Variants in SBF1 observed in about 807,000 individuals in gnomAD.
SBF1 encodes myotubularin-related protein 5.
In SBF1, 65 loss-of-function variants were observed where a neutral mutation model predicts 215.8. The ratio of observed to expected loss-of-function variants is 0.30; its 90% CI spans 0.25 to 0.37. The LOEUF (loss-of-function observed/expected upper bound fraction) is 0.37. Among genes scored for constraint, SBF1 ranks in the 10% least tolerant of loss-of-function variants. The pLI is 1.00. For synonymous variants in SBF1, 1,410 were observed against 1,122.8 expected (o/e 1.26, Z -5.11); for missense variants, 2,634 against 2,667.8 (o/e 0.99, Z 0.28).
rs12628196 is a variant in SBF1 at position 50,467,135 on chromosome 22, G to A, written c.549+203C>T. On this transcript the variant is annotated intron_variant, in intron 5 of 40. Transcript: ENST00000380817. ...CACCATCAAAGGAGTGGACAGAGAG[G>A]CTGAACGACACAGGCCCAGAGCACA... 0.13 allele frequency: 80,838 copies of A among 598,996 alleles called. 6,634 individuals carry two copies. Among genetic ancestry groups the A allele is most frequent in the East Asian group, 0.31 (11,150 of 35,966 alleles). 37.1% of individuals were successfully genotyped at this position (598,996 alleles called of 1,614,324 possible). A position where few individuals can be genotyped will look rare whatever the true frequency, so the allele number is the denominator to read the frequency against.
At position 50,459,406 on chromosome 22, in the gene SBF1, C is replaced by T. The variant is rs529493665; in HGVS notation, c.3689-14G>A. On this transcript the variant is annotated splice_polypyrimidine_tract_variant and intron_variant, in intron 27 of 40. Coordinates refer to ENST00000380817, the MANE Select transcript of SBF1 (RefSeq NM_002972.4). Reference sequence around the variant, plus strand: ...CCTGGGACTGGCCTGGGGGAGGACACGGAGCTGAGGGAGGGGAGGGTGAGA... The same window carrying T: ...CCTGGGACTGGCCTGGGGGAGGACATGGAGCTGAGGGAGGGGAGGGTGAGA... The T allele has an allele frequency of 2.7e-5, 43 of 1,611,650 alleles. No homozygotes were observed. In the East Asian group the frequency reaches 3.6e-4, roughly 13 times the overall value.
At chr22:50,469,160 A>T (rs1275331863) in intron 1 of SBF1, among the ~76,000 whole-genome samples, 1 of 152,228 alleles carries the variant, frequency 6.6e-6, no homozygotes, top group Non-Finnish European at 1.5e-5. Flanking sequence ...AAGGATGCCC[A>T]GATGGCTTCC....
In SBF1 at chr22:50,446,562, A is replaced by C; in HGVS notation, c.*580T>G. 1 of 289,688 alleles carries C rather than the reference A, an allele frequency of 3.5e-6. No individual in the cohort carries two copies. The highest frequency in any genetic ancestry group is 6.9e-6 in the Non-Finnish European group (1 of 145,066). The allele number at this position is 289,688 out of a possible 1,614,324, so 17.9% of individuals were successfully genotyped here. ...TTCCTCTCCAGCCGTGCCGGCCCCT[A>C]GACCAGCCCTGAGGCGTGGAGGGAA... On this transcript the variant is annotated 3_prime_UTR_variant, in exon 41 of 41. Coordinates refer to ENST00000380817, the MANE Select transcript of SBF1 (RefSeq NM_002972.4).
intron 5 of SBF1, 197 bp from the exon 6 acceptor site, chr22:50,466,907 C>G: frequency 3.5e-6 from 2 of 574,626 alleles, no homozygotes; most frequent in South Asian, 4.6e-5. Context: ...AAACTCAGGA[C>G]AGGAGTGGCT....
Position 50,454,877 on chromosome 22 carries a change from C to T in SBF1, c.4749G>A (p.Val1583=). The T allele has an allele frequency of 6.2e-7, 1 of 1,614,144 alleles. No individual in the cohort carries two copies. The highest frequency in any genetic ancestry group is 1.1e-5 in the South Asian group (1 of 91,090). The change falls in exon 35 of 41, where the codon GTG becomes GTA. Residue 1583 remains valine, a synonymous_variant. Coordinates refer to ENST00000380817, the MANE Select transcript of SBF1 (RefSeq NM_002972.4). ...QVPCRSVWEY[V]DRLSKRTPVF... is the part of the protein sequence containing the mutation. ...CAGGCGTCCTCTTGCTCAGCCGGTC[C>T]ACATACTCCCACACAGACCTGCACG...
At chr22:50,469,691 A>C (rs959358791) in intron 1 of SBF1, among the ~76,000 whole-genome samples, 1 of 152,160 alleles carries the variant, frequency 6.6e-6, no homozygotes, top group Admixed American at 6.5e-5. Flanking sequence ...GAAGCAGCAG[A>C]GCCAGATGGG....
intron 36 of SBF1, among the ~76,000 whole-genome samples, chr22:50,450,511 ACT>A (rs2067005591): frequency 6.7e-6 from 1 of 149,678 alleles, no homozygotes; most frequent in Non-Finnish European, 1.5e-5. Context: ...ACAAAGTGAG[ACT>A]CTGCCTCAAA....
intron 1 of SBF1, among the ~76,000 whole-genome samples, chr22:50,474,387 C>T (rs1053986689): frequency 2.6e-5 from 4 of 152,224 alleles, no homozygotes; most frequent in Admixed American, 1.3e-4. Flanking sequence ...GCCACTAGAG[C>T]CACAGCCGCC....
Position 50,460,619 on chromosome 22 carries a change from T to C in SBF1, c.3061A>G (p.Arg1021Gly). The C allele has an allele frequency of 6.2e-7, 1 of 1,614,092 alleles. No individual in the cohort carries two copies. The highest frequency in any genetic ancestry group is 8.5e-7 in the Non-Finnish European group (1 of 1,180,028). The change falls in exon 24 of 41, where the codon AGG becomes GGG. Residue 1021 changes from arginine to glycine, a missense_variant. Arg to Gly is a moderately radical substitution (Grantham distance 125, BLOSUM62 -2). Coordinates refer to ENST00000380817, the MANE Select transcript of SBF1 (RefSeq NM_002972.4). ...LHKLRYPPDI[R>G]ATFAFTLGSA... is the part of the protein sequence containing the mutation. ...CCCAAGGTGAACGCAAAGGTGGCCC[T>C]GATGTCCGGCGGGTACCGCAGCTTA... is the stretch of plus-strand genomic sequence containing the variant.
At chr22:50,455,859 A>G (rs2067225659) in intron 31 of SBF1, 2 of 569,874 alleles carry the variant, frequency 3.5e-6, no homozygotes, top group Non-Finnish European at 6.3e-6. Context: ...CCTACCTTCA[A>G]GCCCTCCAGT....
rs1491577679 is a variant in SBF1, at chr22:50,446,356, T to TCTCCCCCCCCC, written c.*785_*786insGGGGGGGGGAG. 2.9e-5 allele frequency: 1 copy of TCTCCCCCCCCC among 35,048 alleles called. No homozygotes were observed. Among genetic ancestry groups the TCTCCCCCCCCC allele is most frequent in the Non-Finnish European group, 5.8e-5 (1 of 17,172 alleles). The allele number at this position is 35,048 out of a possible 1,614,324, so 2.2% of individuals were successfully genotyped here. On this transcript the variant is annotated 3_prime_UTR_variant, in exon 41 of 41. Coordinates refer to ENST00000380817, the MANE Select transcript of SBF1 (RefSeq NM_002972.4). The stretch of plus-strand genomic sequence containing the variant: ...CCTGCATTCCCCTGGGAGCCCACTG[T>TCTCCCCCCCCC]CCCCCCCCCCCCCCCGCCTCCGGCC...
intron 23 of SBF1, among the ~76,000 whole-genome samples, 187 bp downstream of exon 23, chr22:50,460,972 A>T (rs1257303255): frequency 6.6e-6 from 1 of 152,234 alleles, no homozygotes; most frequent in Non-Finnish European, 1.5e-5. Flanking sequence ...AAGGACAAGG[A>T]CCCAAAGACC....
Position 50,448,366 on chromosome 22 carries a change from C to T in SBF1, c.5230G>A (p.Val1744Met), listed in dbSNP as rs774487981. The T allele has an allele frequency of 3.2e-5, 51 of 1,613,756 alleles. No individual in the cohort carries two copies. The highest frequency in any genetic ancestry group is 3.9e-5 in the Non-Finnish European group (46 of 1,180,034). Reference protein sequence around the residue: ...SLGVYLQEGPVGSTLSLSLDS... With the variant: ...SLGVYLQEGPMGSTLSLSLDS... ...AGGCTGAGGCTCAGGGTGGAGCCCA[C>T]GGGCCCCTCCTGCAGGTACACACCC... is the stretch of plus-strand genomic sequence containing the variant. Residue 1744 changes from valine to methionine, a missense_variant, in exon 38 of 41, where the codon GTG (valine) becomes ATG (methionine). Physicochemically the swap from Val to Met is conservative, Grantham distance 21. Transcript: ENST00000380817.
Position 50,462,737 on chromosome 22 carries a change from A to T in SBF1, c.1969-20T>A. The T allele has an allele frequency of 6.2e-7, 1 of 1,610,430 alleles. No homozygotes were observed. The highest frequency in any genetic ancestry group is 8.5e-7 in the Non-Finnish European group (1 of 1,178,506). On this transcript the variant is annotated intron_variant, in intron 17 of 40. Transcript: ENST00000380817. ...CAGCTTCTGCAGGAGCCAGGGGAGA[A>T]GGTCAGCTGGATGCAGCCAGGAAGG...
At chr22:50,472,629 A>C (rs929135880) in intron 1 of SBF1, among the ~76,000 whole-genome samples, 8 of 152,198 alleles carry the variant, frequency 5.3e-5, no homozygotes, top group African/African-American at 1.9e-4. Flanking sequence ...CTCCATCCCC[A>C]GATGAGGAAA....
chr22:50,474,686 T>C (rs1189885366), intron 1 of SBF1, 100 bp downstream of exon 1: 5 of 519,330 alleles, frequency 9.6e-6, no homozygotes, highest in Admixed American at 5.6e-5. Flanking sequence ...CCCCCAGCCC[T>C]CGGCCCCCAG....
At chr22:50,452,944 G>A (rs949869612) in intron 36 of SBF1, among the ~76,000 whole-genome samples, 2 of 151,324 alleles carry the variant, frequency 1.3e-5, no homozygotes, top group Admixed American at 6.6e-5. Flanking sequence ...ACTCACAGTA[G>A]ACAGAATACT....
chr22:50,451,264 G>A (rs1333287235), intron 36 of SBF1, among the ~76,000 whole-genome samples: 1 of 151,052 alleles, frequency 6.6e-6, no homozygotes, highest in Non-Finnish European at 1.5e-5. Context: ...ATGATTGTTT[G>A]AGCCTGGGAG....
rs2067530821 is a variant in SBF1, at chr22:50,461,887, TCA to T, written c.2570-20_2570-19del. On this transcript the variant is annotated intron_variant, in intron 20 of 40. Transcript: ENST00000380817. ...GACAATGTCTGGGGGAAGACAGTTC[TCA>T]CACTTTGTGCCCAGCCCCACCCATC... 2 of 1,613,922 alleles carry T rather than the reference TCA, an allele frequency of 1.2e-6. No individual in the cohort carries two copies. The highest frequency in any genetic ancestry group is 1.7e-5 in the Admixed American group (1 of 60,010).
Sources: gnomAD v4.1 joint callset for allele counts (sites outside exome capture counted in the v4.1 genomes callset) on GRCh38, gnomAD v4.1.1 for gene constraint, MANE v1.5 for transcripts, NCBI Gene and HGNC (gene_info 2026-07-23, HGNC 2026-07-21) for gene names.